The following CEP112 variants were observed in gnomAD, a reference collection of about 807,000 sequenced individuals.
CEP112 encodes centrosomal protein 112, also known as centrosomal protein of 112 kDa.
A neutral mutation model predicts 153.0 loss-of-function variants in CEP112; 127 were observed. The ratio of observed to expected loss-of-function variants is 0.83; its 90% CI spans 0.72 to 0.96. The LOEUF (loss-of-function observed/expected upper bound fraction) is 0.96. CEP112 is among the 40% of genes least tolerant of loss of function. The pLI is 0.00. For synonymous variants in CEP112, 358 were observed against 374.4 expected (o/e 0.96, Z 0.51); for missense variants, 1,089 against 1,101.2 (o/e 0.99, Z 0.16).
At chr17:65,726,492 G>A (rs1376400982) in intron 23 of CEP112, among the ~76,000 whole-genome samples, 5 of 152,156 alleles carry the variant, frequency 3.3e-5, no homozygotes, top group African/African-American at 9.7e-5. Flanking sequence ...ATGCTGCTGA[G>A]GAGGAAGGTG....
chr17:66,053,679 G>T (rs1417026526), intron 12 of CEP112, 57 bp downstream of exon 12: 7 of 1,541,798 alleles, frequency 4.5e-6, no homozygotes, highest in Non-Finnish European at 6.2e-6. Flanking sequence ...GAAACATGAG[G>T]ACATGGAAAT....
chr17:66,016,311 C>T (rs1323903985), intron 16 of CEP112, among the ~76,000 whole-genome samples: 1 of 152,114 alleles, frequency 6.6e-6, no homozygotes, highest in Non-Finnish European at 1.5e-5. Context: ...TCTTGAACAC[C>T]GTACACCACT....
chr17:65,789,130 C>T (rs551116011), intron 21 of CEP112, among the ~76,000 whole-genome samples: 1 of 152,304 alleles, frequency 6.6e-6, no homozygotes, highest in South Asian at 2.1e-4. Context: ...ACTAACTGAA[C>T]TCGATCATTT....
chr17:65,725,628 G>T (rs9912372), intron 23 of CEP112, among the ~76,000 whole-genome samples: 1,533 of 152,256 alleles, frequency 0.01, 27 homozygotes, highest in African/African-American at 0.035. Flanking sequence ...TTTTCATGCT[G>T]TTGGTAAAGA....
At chr17:65,993,692 A>C (rs1331099059) in intron 17 of CEP112, among the ~76,000 whole-genome samples, 1 of 152,234 alleles carries the variant, frequency 6.6e-6, no homozygotes, top group Non-Finnish European at 1.5e-5. Flanking sequence ...GATACACAAC[A>C]ATATAAATGA....
rs569486487 is a variant in CEP112 at position 65,837,744 on chromosome 17, GA to G, written c.2394+14059del. Among the ~76,000 whole-genome samples the G allele has an allele frequency of 6.7e-3, 1,023 of 152,360 alleles. 12 individuals carry two copies. Among genetic ancestry groups the G allele is most frequent in the African/African-American group, 0.023 (973 of 41,584 alleles). ...GAGACTCCATTTTGTTCTGTACTAA[GA>G]AAAATTATTCTGCCTTGGGATGCTG... On this transcript the variant is annotated intron_variant, in intron 21 of 26. Coordinates refer to ENST00000535342, the MANE Select transcript of CEP112 (RefSeq NM_001199165.4).
At chr17:65,709,873 A>G (rs976766320) in intron 23 of CEP112, among the ~76,000 whole-genome samples, 2 of 152,170 alleles carry the variant, frequency 1.3e-5, no homozygotes, top group African/African-American at 2.4e-5. Flanking sequence ...ATTGCTACCA[A>G]TGATCTTTCC....
At chr17:65,643,038 G>A (rs2045230080) in intron 24 of CEP112, among the ~76,000 whole-genome samples, 2 of 152,228 alleles carry the variant, frequency 1.3e-5, no homozygotes, top group South Asian at 4.2e-4. Context: ...CCCGGGACAA[G>A]TGCTCCAGGA....
intron 6 of CEP112, among the ~76,000 whole-genome samples, chr17:66,118,492 T>C (rs147890364): frequency 2.6e-5 from 4 of 152,206 alleles, no homozygotes; most frequent in Admixed American, 2.0e-4. Context: ...TATGTGCTAA[T>C]GTGCTAGCTA....
At chr17:65,803,263 T>C (rs975442183) in intron 21 of CEP112, among the ~76,000 whole-genome samples, 2 of 152,196 alleles carry the variant, frequency 1.3e-5, no homozygotes, top group African/African-American at 4.8e-5. Context: ...AACCATTCAG[T>C]TAACGAGCCT....
chr17:65,767,711 G>T (rs1470901181), intron 21 of CEP112, among the ~76,000 whole-genome samples: 1 of 151,948 alleles, frequency 6.6e-6, no homozygotes, highest in Admixed American at 6.6e-5. Context: ...GATGTTCTCA[G>T]AAACAAAATA....
chr17:66,128,225 C>T (rs1427965197), intron 6 of CEP112, among the ~76,000 whole-genome samples: 1 of 150,184 alleles, frequency 6.7e-6, no homozygotes, highest in Non-Finnish European at 1.5e-5. Context: ...ATTGCTTGAA[C>T]CCAGGAGGCA....
chr17:65,756,730 G>C (rs2052306501), intron 21 of CEP112, among the ~76,000 whole-genome samples: 1 of 152,186 alleles, frequency 6.6e-6, no homozygotes, highest in African/African-American at 2.4e-5. Flanking sequence ...GGTGAATAGA[G>C]AGGTGAATTG....
At chr17:66,074,972 G>A (rs1358948351) in intron 8 of CEP112, among the ~76,000 whole-genome samples, 1 of 151,472 alleles carries the variant, frequency 6.6e-6, no homozygotes, top group Non-Finnish European at 1.5e-5. Flanking sequence ...ATGGAAACCA[G>A]AGGACAAAGG....
chr17:66,028,875 T>TTG (rs1370863077), intron 14 of CEP112, among the ~76,000 whole-genome samples: 1 of 37,582 alleles, frequency 2.7e-5, no homozygotes, highest in Non-Finnish European at 7.2e-5. Context: ...CTTTTAAGAC[T>TTG]GGCACTTAAA....
chr17:66,157,090 GT>G (rs992110152), intron 4 of CEP112, among the ~76,000 whole-genome samples: 1 of 152,118 alleles, frequency 6.6e-6, no homozygotes, highest in African/African-American at 2.4e-5. Flanking sequence ...ATTCACCAAG[GT>G]TGCAATGAAG....
intron 8 of CEP112, among the ~76,000 whole-genome samples, chr17:66,088,585 A>G (rs144388496): frequency 6.6e-6 from 1 of 151,952 alleles, no homozygotes; most frequent in Non-Finnish European, 1.5e-5. Flanking sequence ...CAGCCAACAC[A>G]ACCCCATGCT....
At chr17:65,745,113 T>A (rs1480308613) in intron 22 of CEP112, among the ~76,000 whole-genome samples, 2 of 152,214 alleles carry the variant, frequency 1.3e-5, no homozygotes, top group African/African-American at 4.8e-5. Context: ...AATAATAGCA[T>A]CTTGACAATA....
chr17:66,129,577 G>C (rs191559607), intron 6 of CEP112, among the ~76,000 whole-genome samples, 169 bp downstream of exon 6: 128 of 152,186 alleles, frequency 8.4e-4, no homozygotes, highest in African/African-American at 2.8e-3. Context: ...TTTTATGTTT[G>C]TTCAGAATGT....
Sources: gnomAD v4.1 joint callset for allele counts (sites outside exome capture counted in the v4.1 genomes callset) on GRCh38, gnomAD v4.1.1 for gene constraint, MANE v1.5 for transcripts, NCBI Gene and HGNC (gene_info 2026-07-23, HGNC 2026-07-21) for gene names.